Variants in EYA1 observed in about 807,000 individuals in gnomAD.
EYA1 encodes the protein EYA transcriptional coactivator and phosphatase 1.
In EYA1, 16 loss-of-function variants were observed where a neutral mutation model predicts 82.0. The ratio of observed to expected loss-of-function variants is 0.20; its 90% CI spans 0.13 to 0.30. EYA1 has a LOEUF of 0.30. Among genes scored for constraint, EYA1 ranks in the 10% least tolerant of loss-of-function variants. The probability of loss-of-function intolerance (pLI) is 1.00; values close to 1 mark genes in which losing one functional copy is unlikely to be tolerated. For synonymous variants in EYA1, 261 were observed against 264.4 expected (o/e 0.99, Z 0.12); for missense variants, 633 against 730.7 (o/e 0.87, Z 1.54).
chr8:71,326,516 G>C (rs920491624), intron 4 of EYA1, among the ~76,000 whole-genome samples: 2 of 152,210 alleles, frequency 1.3e-5, no homozygotes, highest in African/African-American at 4.8e-5. Context: ...GGGCCTAGCT[G>C]TTAAGCTCTG....
intron 11 of EYA1, among the ~76,000 whole-genome samples, chr8:71,265,937 A>G (rs994919913): frequency 6.6e-6 from 1 of 152,230 alleles, no homozygotes; most frequent in Non-Finnish European, 1.5e-5. Flanking sequence ...GTTATAAAAC[A>G]AGACTTTCTT....
intron 2 of EYA1, among the ~76,000 whole-genome samples, chr8:71,514,508 G>A (rs1168903615): frequency 6.6e-6 from 1 of 152,124 alleles, no homozygotes; most frequent in African/African-American, 2.4e-5. Flanking sequence ...GGAAGAAAAA[G>A]AGGTTTCATT....
At chr8:71,413,849 G>A (rs777771825) in intron 2 of EYA1, among the ~76,000 whole-genome samples, 2 of 152,190 alleles carry the variant, frequency 1.3e-5, no homozygotes, top group Non-Finnish European at 2.9e-5. Flanking sequence ...ACTTCTAAAG[G>A]TATGCAGCAA....
chr8:71,412,776 AG>A, intron 2 of EYA1, among the ~76,000 whole-genome samples: 1 of 152,228 alleles, frequency 6.6e-6, no homozygotes, highest in East Asian at 1.9e-4. Flanking sequence ...GCCAACATCA[AG>A]GGCATCTTTT....
intron 11 of EYA1, among the ~76,000 whole-genome samples, chr8:71,252,886 G>A (rs1267008063): frequency 1.3e-5 from 2 of 152,136 alleles, no homozygotes; most frequent in African/African-American, 2.4e-5. Context: ...GACAATTTGT[G>A]AACATAGCTT....
At chr8:71,384,471 C>CTTTA (rs1218791543) in intron 2 of EYA1, among the ~76,000 whole-genome samples, 7 of 152,264 alleles carry the variant, frequency 4.6e-5, no homozygotes, top group African/African-American at 1.7e-4. Flanking sequence ...CCGAGAAGCC[C>CTTTA]TTTGTTTGTA....
At chr8:71,219,969 G>C (rs561019717) in intron 12 of EYA1, among the ~76,000 whole-genome samples, 1 of 152,218 alleles carries the variant, frequency 6.6e-6, no homozygotes, top group East Asian at 1.9e-4. Flanking sequence ...TTAAAACCCA[G>C]ACAATGAGAT....
chr8:71,240,530 G>A (rs925036735), intron 12 of EYA1, among the ~76,000 whole-genome samples: 6 of 152,094 alleles, frequency 3.9e-5, no homozygotes, highest in South Asian at 2.1e-4. Flanking sequence ...TCACAGACAC[G>A]AGAGGAGGGT....
chr8:71,242,470 T>A lies in EYA1; in HGVS notation c.1140+2133A>T, dbSNP rs185208020. On this transcript the variant is annotated intron_variant, in intron 12 of 17. Transcript: ENST00000340726. ...TACCTCTACTAAGGAATAGTCCTCATGCCAAAAATAGAATCTGATATTTCA... is the reference window on the plus strand; with the variant it reads ...TACCTCTACTAAGGAATAGTCCTCAAGCCAAAAATAGAATCTGATATTTCA... Among the ~76,000 whole-genome samples, 399 of 152,290 alleles carry A rather than the reference T, an allele frequency of 2.6e-3. 1 individual carries two copies. The highest frequency in any genetic ancestry group is 0.011 in the South Asian group (54 of 4,824).
intron 2 of EYA1, among the ~76,000 whole-genome samples, chr8:71,467,462 AGTT>A (rs1256155702): frequency 2.6e-5 from 4 of 152,264 alleles, no homozygotes; most frequent in South Asian, 2.1e-4. Context: ...GAAAAAGAGA[AGTT>A]GTTGTTGTGT....
intron 2 of EYA1, among the ~76,000 whole-genome samples, chr8:71,492,491 G>T (rs1170498321): frequency 2.7e-5 from 4 of 149,676 alleles, no homozygotes; most frequent in Admixed American, 6.6e-5. Context: ...TTGAGACGGA[G>T]TCTCGCTCTG....
chr8:71,437,055 C>CATATATATAT (rs34634844), intron 2 of EYA1, among the ~76,000 whole-genome samples: 13 of 144,780 alleles, frequency 9.0e-5, no homozygotes, highest in African/African-American at 3.3e-4. Context: ...TGTATATCTA[C>CATATATATAT]ATATATATAT....
Position 71,508,859 on chromosome 8 carries a change from C to T in EYA1, c.33+26885G>A, listed in dbSNP as rs187978947. 8.2e-4 allele frequency among the ~76,000 whole-genome samples: 125 copies of T among 152,198 alleles called. 1 individual carries two copies. The highest frequency in any genetic ancestry group is 2.9e-3 in the African/African-American group (120 of 41,542). On this transcript the variant is annotated intron_variant, in intron 2 of 18. Transcript: ENST00000643681. ...CATCCAGAGAAAAGAGATTTTGTTACGTTTATTCTACTGCACTAAATAACA... is the reference window on the plus strand; with the variant it reads ...CATCCAGAGAAAAGAGATTTTGTTATGTTTATTCTACTGCACTAAATAACA...
chr8:71,477,791 G>T (rs916899453), intron 2 of EYA1, among the ~76,000 whole-genome samples: 1 of 152,116 alleles, frequency 6.6e-6, no homozygotes, highest in African/African-American at 2.4e-5. Context: ...GTAAAAGAAT[G>T]TTCACAGCAG....
intron 17 of EYA1, among the ~76,000 whole-genome samples, chr8:71,201,160 T>C (rs1385338038): frequency 1.3e-5 from 2 of 150,670 alleles, no homozygotes; most frequent in Non-Finnish European, 2.9e-5. Context: ...ATTTATTGGA[T>C]ATTGTGTTAG....
intron 1 of EYA1, among the ~76,000 whole-genome samples, chr8:71,542,625 T>C (rs1815230899): frequency 6.6e-6 from 1 of 152,242 alleles, no homozygotes; most frequent in African/African-American, 2.4e-5. Flanking sequence ...TTTCAGTCTT[T>C]GAGGAATTGC....
chr8:71,218,368 G>A (rs2128857784), intron 12 of EYA1, among the ~76,000 whole-genome samples: 1 of 152,204 alleles, frequency 6.6e-6, no homozygotes, highest in South Asian at 2.1e-4. Context: ...TCTCTCCATG[G>A]ATTTGTGAGG....
At chr8:71,348,838 G>T (rs1045159686) in intron 3 of EYA1, among the ~76,000 whole-genome samples, 1 of 152,192 alleles carries the variant, frequency 6.6e-6, no homozygotes, top group Non-Finnish European at 1.5e-5. Flanking sequence ...AATGCCAACA[G>T]TGTTGCTTGG....
At chr8:71,254,239 T>C (rs1814108601) in intron 11 of EYA1, among the ~76,000 whole-genome samples, 1 of 111,554 alleles carries the variant, frequency 9.0e-6, no homozygotes, top group African/African-American at 3.7e-5. Context: ...TATAAAGTCT[T>C]GGCCAAAAAA....
Sources: gnomAD v4.1 joint callset for allele counts (sites outside exome capture counted in the v4.1 genomes callset) on GRCh38, gnomAD v4.1.1 for gene constraint, MANE v1.5 for transcripts, NCBI Gene and HGNC (gene_info 2026-07-23, HGNC 2026-07-21) for gene names.